The following ST18 variants were observed in gnomAD, a reference collection of about 807,000 sequenced individuals.
ST18 encodes the protein ST18 C2H2C-type zinc finger transcription factor, also known as suppression of tumorigenicity 18 protein.
In ST18, 50 loss-of-function variants were observed where a neutral mutation model predicts 110.0. The ratio of observed to expected loss-of-function variants is 0.45; its 90% CI spans 0.36 to 0.58. The LOEUF (loss-of-function observed/expected upper bound fraction) is 0.58, where lower values mean the gene tolerates loss of function less well. Among genes scored for constraint, ST18 ranks in the 20% least tolerant of loss-of-function variants. The pLI is 0.00. For missense variants in ST18, 1,306 were observed against 1,280.1 expected, an observed-to-expected ratio of 1.02 and a Z score of -0.31; for synonymous variants, 461 against 452.4, an observed-to-expected ratio of 1.02 and a Z score of -0.24.
rs190809163 is a variant in ST18, at chr8:52,317,598, G to A, written c.-464-87521C>T. Among the ~76,000 whole-genome samples, 11 of 152,236 alleles carry A rather than the reference G, an allele frequency of 7.2e-5. No homozygotes were observed. The East Asian group carries it at 1.7e-3, about 24-fold the overall frequency. On this transcript the variant is annotated intron_variant, in intron 2 of 25. Coordinates refer to ENST00000689386, the MANE Select transcript of ST18 (RefSeq NM_001352837.2). Reference sequence around the variant, plus strand: ...TGGACCTGACTGTTTCTCCCTATACGTCATGGTGTGTTTATCTACTATTTC... The same window carrying A: ...TGGACCTGACTGTTTCTCCCTATACATCATGGTGTGTTTATCTACTATTTC...
Position 52,379,597 on chromosome 8 carries a change from G to A in ST18, c.-465+29731C>T, listed in dbSNP as rs550914576. The stretch of plus-strand genomic sequence containing the variant: ...AACATGCAGATGGATTTTGTAGCCG[G>A]TAAATATTGAAAAAAAATTAGAAAA... On this transcript the variant is annotated intron_variant, in intron 2 of 25. Transcript: ENST00000689386. 1.4e-3 allele frequency among the ~76,000 whole-genome samples: 204 copies of A among 151,074 alleles called. 1 individual carries two copies. Among genetic ancestry groups the A allele is most frequent in the African/African-American group, 4.9e-3 (201 of 41,046 alleles).
intron 8 of ST18, among the ~76,000 whole-genome samples, chr8:52,182,863 A>C (rs1438233903): frequency 6.6e-6 from 1 of 152,108 alleles, no homozygotes. Context: ...GATCAATGAG[A>C]CCTCAGGTGG....
chr8:52,171,509 T>A (rs1238290931), intron 10 of ST18: 1 of 495,860 alleles, frequency 2.0e-6, no homozygotes, highest in Non-Finnish European at 3.8e-6. Context: ...TAAAGTTATT[T>A]CTAAAGGTAT....
chr8:52,253,978 TGAGAGA>T (rs10547061), intron 2 of ST18, among the ~76,000 whole-genome samples: 192 of 148,316 alleles, frequency 1.3e-3, no homozygotes, highest in Non-Finnish European at 1.4e-3. Flanking sequence ...TGTGAGAGAT[TGAGAGA>T]GAGAGAGAGA....
intron 21 of ST18, among the ~76,000 whole-genome samples, chr8:52,132,503 A>C (rs550455928): frequency 1.3e-5 from 2 of 152,224 alleles, no homozygotes; most frequent in Admixed American, 1.3e-4. Context: ...TCTAGAGCCA[A>C]CCACATAAGG....
At chr8:52,156,327 G>A (rs1390652187) in intron 15 of ST18, among the ~76,000 whole-genome samples, 5 of 152,216 alleles carry the variant, frequency 3.3e-5, no homozygotes, top group Admixed American at 2.6e-4. Context: ...AGCTGTGAAA[G>A]TTTGGAGTAA....
chr8:52,214,291 C>T, intron 6 of ST18, 34 bp from the exon 7 acceptor site: 1 of 1,610,422 alleles, frequency 6.2e-7, no homozygotes, highest in Non-Finnish European at 8.5e-7. Context: ...GAGGTCATTC[C>T]TTTGACATTG....
intron 2 of ST18, among the ~76,000 whole-genome samples, chr8:52,369,139 T>C (rs1371385759): frequency 6.6e-6 from 1 of 152,234 alleles, no homozygotes; most frequent in Non-Finnish European, 1.5e-5. Flanking sequence ...TATTGGAATC[T>C]GAATGAAAAT....
At chr8:52,292,312 G>A (rs913733046) in intron 2 of ST18, among the ~76,000 whole-genome samples, 13 of 152,104 alleles carry the variant, frequency 8.5e-5, no homozygotes, top group Admixed American at 7.2e-4. Context: ...CTGCTTGGAC[G>A]CCAGATGGTA....
chr8:52,310,153 C>A (rs946058198), intron 2 of ST18, among the ~76,000 whole-genome samples: 1 of 152,160 alleles, frequency 6.6e-6, no homozygotes, highest in Non-Finnish European at 1.5e-5. Context: ...ATAAAGAGAA[C>A]AAGAGACCTC....
chr8:52,382,646 C>T (rs1835001306), intron 2 of ST18, among the ~76,000 whole-genome samples: 1 of 151,854 alleles, frequency 6.6e-6, no homozygotes, highest in Non-Finnish European at 1.5e-5. Flanking sequence ...GAAAGGAAAG[C>T]AGAAGAGATT....
At position 52,200,496 on chromosome 8, in the gene ST18, G is replaced by T. The variant is rs1319116798; in HGVS notation, c.86+11583C>A. 2.6e-5 allele frequency among the ~76,000 whole-genome samples: 4 copies of T among 152,268 alleles called. No homozygotes were observed. In the East Asian group the frequency reaches 7.7e-4, roughly 29 times the overall value. On this transcript the variant is annotated intron_variant, in intron 8 of 25. Transcript: ENST00000689386. ...CCCAGCGCGGATTCTAGTTGGGTAGGGGGCAATGAACAGGGAAGGGAGACC... is the reference window on the plus strand; with the variant it reads ...CCCAGCGCGGATTCTAGTTGGGTAGTGGGCAATGAACAGGGAAGGGAGACC...
chr8:52,317,944 C>G (rs1057354491), intron 2 of ST18, among the ~76,000 whole-genome samples: 6 of 152,092 alleles, frequency 3.9e-5, no homozygotes, highest in Non-Finnish European at 8.8e-5. Context: ...AAAACCTAGG[C>G]AATACCATTC....
intron 2 of ST18, among the ~76,000 whole-genome samples, chr8:52,368,068 T>C (rs1190667601): frequency 1.3e-5 from 2 of 152,186 alleles, no homozygotes; most frequent in Non-Finnish European, 2.9e-5. Flanking sequence ...ATTTCCTAGA[T>C]ACATGATATT....
At chr8:52,213,637 C>CT (rs2083029938) in intron 7 of ST18, among the ~76,000 whole-genome samples, 2 of 152,062 alleles carry the variant, frequency 1.3e-5, no homozygotes, top group African/African-American at 4.8e-5. Context: ...CATCAAGGGC[C>CT]TGTTTATATT....
In ST18 at chr8:52,334,925, G is replaced by A. The variant is rs28758749; in HGVS notation, c.-465+74403C>T. On this transcript the variant is annotated intron_variant, in intron 2 of 25. Transcript: ENST00000689386. ...GCTCCACCCACCTTCTGTCACCACC[G>A]TCCCTTTTCTTGTCTCAAAAGTCAT... Among the ~76,000 whole-genome samples the A allele has an allele frequency of 6.8e-3, 1,031 of 152,164 alleles. 10 individuals are homozygous for A. The highest frequency in any genetic ancestry group is 0.024 in the African/African-American group (979 of 41,498).
intron 2 of ST18, among the ~76,000 whole-genome samples, chr8:52,330,304 G>A (rs1026042190): frequency 6.6e-6 from 1 of 152,118 alleles, no homozygotes; most frequent in Non-Finnish European, 1.5e-5. Context: ...CATCCCTTTC[G>A]AGGCATTTTG....
At position 52,142,954 on chromosome 8, in the gene ST18, C is replaced by G; in HGVS notation, c.2144G>C (p.Arg715Thr). ...IPSPKPKLHA[R>T]DLKKELITCP... ...CGTGATTAGTTCCTTTTTGAGATCT[C>G]TTGCATGAAGCTTGGGTTTAGGGCT... Residue 715 changes from arginine to threonine, a missense_variant, in exon 17 of 26, where the codon AGA becomes ACA. Transcript: ENST00000689386. 1 of 1,613,904 alleles carries G rather than the reference C, an allele frequency of 6.2e-7. No individual in the cohort carries two copies. Among genetic ancestry groups the G allele is most frequent in the Non-Finnish European group, 8.5e-7 (1 of 1,179,906 alleles).
intron 5 of ST18, among the ~76,000 whole-genome samples, chr8:52,219,997 C>T (rs1173654532): frequency 6.6e-6 from 1 of 152,168 alleles, no homozygotes; most frequent in Non-Finnish European, 1.5e-5. Context: ...CCTTAGGTAA[C>T]CAATTTGTGC....
Sources: gnomAD v4.1 joint callset for allele counts (sites outside exome capture counted in the v4.1 genomes callset) on GRCh38, gnomAD v4.1.1 for gene constraint, MANE v1.5 for transcripts, NCBI Gene and HGNC (gene_info 2026-07-23, HGNC 2026-07-21) for gene names.